PCDHGB3: variants seen among roughly 807,000 people sequenced by gnomAD.
The protein encoded by PCDHGB3 is protocadherin gamma subfamily B, 3, also known as protocadherin gamma-B3.
In PCDHGB3, 40 loss-of-function variants were observed where a neutral mutation model predicts 59.2. The observed-to-expected ratio is 0.68, with a 90% CI of 0.52 to 0.88. The LOEUF (loss-of-function observed/expected upper bound fraction) is 0.88. Ranked by LOEUF, PCDHGB3 falls within the 40% of genes least tolerant of loss-of-function variation. PCDHGB3 has a pLI of 0.00. For missense variants in PCDHGB3, 1,309 were observed against 1,187.9 expected (o/e 1.10, Z -1.50); for synonymous variants, 581 against 503.6 (o/e 1.15, Z -2.06).
intron 1 of PCDHGB3, chr5:141,417,573 C>A: frequency 2.7e-6 from 1 of 377,070 alleles, no homozygotes; most frequent in Non-Finnish European, 4.7e-6. Flanking sequence ...AGTCAAGTTG[C>A]AGTCCCACAC....
chr5:141,447,123 TTTTG>T (rs1327676720), intron 1 of PCDHGB3, among the ~76,000 whole-genome samples: 7 of 152,278 alleles, frequency 4.6e-5, no homozygotes, highest in African/African-American at 1.4e-4. Context: ...CCATGGATTT[TTTTG>T]TTTGTTTGTT....
At chr5:141,475,571 G>A (rs1426547386) in intron 1 of PCDHGB3, among the ~76,000 whole-genome samples, 1 of 152,212 alleles carries the variant, frequency 6.6e-6, no homozygotes, top group East Asian at 1.9e-4. Context: ...CTTCCAACAA[G>A]CCAGATTTGT....
chr5:141,497,825 C>T (rs1015168533), intron 2 of PCDHGB3, among the ~76,000 whole-genome samples: 3 of 152,154 alleles, frequency 2.0e-5, no homozygotes, highest in Admixed American at 6.5e-5. Context: ...CAGGTGTGAT[C>T]GCCCCCGGCC....
In PCDHGB3 at chr5:141,395,432, G is replaced by A. The variant is rs963118371; in HGVS notation, c.2415+22623G>A. ...GTTATTGTTTCATTTGCTTTTAAAC[G>A]ACTTGGAAAAGATTGTTCAACCATT... On this transcript the variant is annotated intron_variant, in intron 1 of 3. Coordinates refer to ENST00000576222, the MANE Select transcript of PCDHGB3 (RefSeq NM_018924.5). The A allele has an allele frequency of 8.6e-6, 6 of 701,470 alleles. No homozygotes were observed. In the African/African-American group the frequency reaches 9.1e-5, roughly 11 times the overall value. The allele number at this position is 701,470 out of a possible 1,614,324, so 43.5% of individuals were successfully genotyped here. A position where few individuals can be genotyped will look rare whatever the true frequency, so the allele number is the denominator to read the frequency against.
At chr5:141,434,223 A>G (rs1164673241) in intron 1 of PCDHGB3, among the ~76,000 whole-genome samples, 1 of 152,214 alleles carries the variant, frequency 6.6e-6, no homozygotes, top group Non-Finnish European at 1.5e-5. Context: ...TAAACAAAGT[A>G]CGATTTCTGG....
chr5:141,381,188 T>G (rs1271101708), intron 1 of PCDHGB3, among the ~76,000 whole-genome samples: 1 of 152,222 alleles, frequency 6.6e-6, no homozygotes, highest in Non-Finnish European at 1.5e-5. Context: ...GAAGTTAAGC[T>G]TTCTTAGTGT....
intron 1 of PCDHGB3, among the ~76,000 whole-genome samples, chr5:141,434,491 C>CCCAGGGCAGAAAACTGCTTAA (rs1300377022): frequency 1.8e-4 from 27 of 152,302 alleles, no homozygotes; most frequent in Non-Finnish European, 3.4e-4. Context: ...ACCTGGCCCG[C>CCCAGGGCAGAAAACTGCTTAA]CCAGGGCAGA....
chr5:141,477,565 C>T lies in PCDHGB3; in HGVS notation c.2416-17242C>T, dbSNP rs1168703868. 3.1e-6 allele frequency: 5 copies of T among 1,614,146 alleles called. No homozygotes were observed. The highest frequency in any genetic ancestry group is 4.2e-6 in the Non-Finnish European group (5 of 1,180,030). On this transcript the variant is annotated intron_variant, in intron 1 of 3. Transcript: ENST00000576222. The surrounding 1 kb of genome is among the most constrained non-coding windows in gnomAD (Gnocchi z 4.9). ...CAATACTAAACCTAAGTGTCTGGGA[C>T]CCCGACGCCCCGCAGAATGCTCGGC... is the stretch of plus-strand genomic sequence containing the variant.
chr5:141,398,345 C>T (rs1442407908), intron 1 of PCDHGB3: 29 of 1,379,896 alleles, frequency 2.1e-5, no homozygotes, highest in Non-Finnish European at 2.8e-5. Context: ...TCGGAGAAGC[C>T]TTACTTCACC....
chr5:141,428,406 C>T (rs908202809), intron 1 of PCDHGB3: 1 of 473,274 alleles, frequency 2.1e-6, no homozygotes, highest in Non-Finnish European at 3.9e-6. Context: ...CCTGGGGTTG[C>T]TTTCACCCTG....
chr5:141,427,138 A>G (rs1397576025), intron 1 of PCDHGB3: 1 of 456,954 alleles, frequency 2.2e-6, no homozygotes, highest in Non-Finnish European at 4.4e-6. Context: ...CTACGAGATG[A>G]TATTGGAAAT....
At chr5:141,510,831 A>T (rs2154594660) in intron 3 of PCDHGB3, 116 bp from the exon 4 acceptor site, 1 of 1,577,022 alleles carries the variant, frequency 6.3e-7, no homozygotes, top group East Asian at 2.2e-5. Context: ...CCCAGTGCTC[A>T]GCGTGGTCAA....
At chr5:141,419,781 G>C (rs1331740421) in intron 1 of PCDHGB3, 1 of 1,614,032 alleles carries the variant, frequency 6.2e-7, no homozygotes. Context: ...GTCCGCCAGC[G>C]CCTGCTAGTC....
chr5:141,495,005 CG>C (rs2099758180), intron 2 of PCDHGB3, 140 bp downstream of exon 2: 2 of 1,522,694 alleles, frequency 1.3e-6, no homozygotes, highest in African/African-American at 1.4e-5. Context: ...TCTTGGTGTG[CG>C]GGGGGCTGGC....
Position 141,511,156 on chromosome 5 carries a change from A to G in PCDHGB3, c.2773A>G (p.Lys925Glu), listed in dbSNP as rs2099883637. 6.2e-7 allele frequency: 1 copy of G among 1,614,080 alleles called. No individual in the cohort carries two copies. The highest frequency in any genetic ancestry group is 1.3e-5 in the African/African-American group (1 of 74,940). Residue 925 changes from lysine (K) to glutamate (E), a missense_variant, in exon 4 of 4, where the codon AAG (lysine) becomes GAG (glutamate). By Grantham distance (56) the Lys-to-Glu change is moderately conservative (BLOSUM62 1). Transcript: ENST00000576222. ...CAATGGCAACAAGAAGAAGTCGGGC[A>G]AGAAGGAGAAGAAGTAACATGGAGG... is the stretch of plus-strand genomic sequence containing the variant. ...GGNGNKKKSG[K>E]KEKK
In PCDHGB3 at chr5:141,485,186, G is replaced by T; in HGVS notation, c.2416-9621G>T. ...GCGGGCGGCAGCAATGCTCCGCAAG[G>T]TGAGAAGCTGGACAGAAATCTGGCG... On this transcript the variant is annotated intron_variant, in intron 1 of 3. Coordinates refer to ENST00000576222, the MANE Select transcript of PCDHGB3 (RefSeq NM_018924.5). This position sits in a 1 kb window ranked among gnomAD's most constrained non-coding sequence, Gnocchi z 5.7. 1 of 1,613,706 alleles carries T rather than the reference G, an allele frequency of 6.2e-7. No individual in the cohort carries two copies. The highest frequency in any genetic ancestry group is 8.5e-7 in the Non-Finnish European group (1 of 1,179,644).
intron 1 of PCDHGB3, among the ~76,000 whole-genome samples, chr5:141,444,463 G>T (rs570185430): frequency 6.6e-6 from 1 of 152,144 alleles, no homozygotes; most frequent in Admixed American, 6.5e-5. Flanking sequence ...GAGTCACTGC[G>T]CCCGGTCGCG....
chr5:141,466,037 G>T (rs1204301031), intron 1 of PCDHGB3, among the ~76,000 whole-genome samples: 1 of 152,056 alleles, frequency 6.6e-6, no homozygotes, highest in African/African-American at 2.4e-5. Flanking sequence ...CAGGAGAACG[G>T]CATGAACCCA....
rs1040753474 is a variant in PCDHGB3 at position 141,511,446 on chromosome 5, G to T, written c.*273G>T. 3.1e-6 allele frequency: 2 copies of T among 654,526 alleles called. No individual in the cohort carries two copies. The highest frequency in any genetic ancestry group is 3.7e-5 in the African/African-American group (2 of 54,758). 40.5% of individuals were successfully genotyped at this position (654,526 alleles called of 1,614,324 possible). A position where few individuals can be genotyped will look rare whatever the true frequency, so the allele number is the denominator to read the frequency against. ...GTAGTGGGGTTACTGTAGACACCAA[G>T]AACCATTTGCCACACCCCGTTTAGT... On this transcript the variant is annotated 3_prime_UTR_variant, in exon 4 of 4. Transcript: ENST00000576222.
Sources: allele counts gnomAD v4.1 joint callset (sites outside exome capture counted in the v4.1 genomes callset), GRCh38; gene constraint gnomAD v4.1.1; non-coding constraint Gnocchi (gnomAD v3.1); transcripts MANE v1.5; gene names NCBI Gene and HGNC (gene_info 2026-07-23, HGNC 2026-07-21).